BCL9L: variants seen among roughly 807,000 people sequenced by gnomAD.
BCL9L encodes BCL9 like.
In BCL9L, 19 loss-of-function variants were observed where a neutral mutation model predicts 99.4. The ratio of observed to expected loss-of-function variants is 0.19; its 90% CI spans 0.13 to 0.28. The LOEUF (loss-of-function observed/expected upper bound fraction) is 0.28. Among genes scored for constraint, BCL9L ranks in the 10% least tolerant of loss-of-function variants. The pLI is 1.00. For synonymous variants in BCL9L, 900 were observed against 854.8 expected (o/e 1.05, Z -0.92); for missense variants, 2,023 against 2,101.6 (o/e 0.96, Z 0.73).
In BCL9L at chr11:118,902,391, G is replaced by C. The variant is rs769563899; in HGVS notation, c.1352C>G (p.Pro451Arg). ...GGPPAQAPPP[P>R]QQPPTAPPSG... ...GGGAGGGGCCGTGGGTGGCTGCTGGGGGGGAGGGGGGGCTTGTGCTGGTGG... is the reference window on the plus strand; with the variant it reads ...GGGAGGGGCCGTGGGTGGCTGCTGGCGGGGAGGGGGGGCTTGTGCTGGTGG... The change falls in exon 8 of 10, where the codon CCC becomes CGC. Residue 451 changes from proline to arginine, a missense_variant. Physicochemically the swap from Pro to Arg is moderately radical, Grantham distance 103. Transcript: ENST00000683865. The surrounding 1 kb of genome is among the most constrained non-coding windows in gnomAD (Gnocchi z 7.8). The C allele has an allele frequency of 1.8e-5, 28 of 1,546,800 alleles. No homozygotes were observed. The highest frequency in any genetic ancestry group is 1.6e-4 in the Admixed American group (8 of 49,508).
Position 118,914,876 on chromosome 11 carries a change from G to C in BCL9L, c.-77+3950C>G, listed in dbSNP as rs936150946. 6.6e-6 allele frequency among the ~76,000 whole-genome samples: 1 copy of C among 152,190 alleles called. No homozygotes were observed. The highest frequency in any genetic ancestry group is 1.5e-5 in the Non-Finnish European group (1 of 68,036). ...TTGAGGGCCGGGCGCGGTGGCACACGCCTGTAATCCCAGCACTTTAGGAGG... is the reference window on the plus strand; with the variant it reads ...TTGAGGGCCGGGCGCGGTGGCACACCCCTGTAATCCCAGCACTTTAGGAGG... On this transcript the variant is annotated intron_variant, in intron 2 of 9. Transcript: ENST00000683865. This position sits in a 1 kb window ranked among gnomAD's most constrained non-coding sequence, Gnocchi z 4.4.
chr11:118,899,608 G>T, intron 9 of BCL9L, 100 bp from the exon 10 acceptor site: 2 of 1,461,760 alleles, frequency 1.4e-6, no homozygotes, highest in South Asian at 2.5e-5. Flanking sequence ...GGGTGCCAGA[G>T]GTCAAAGTCT....
chr11:118,905,512 C>CAAA (rs761526586), intron 5 of BCL9L, among the ~76,000 whole-genome samples: 9 of 38,514 alleles, frequency 2.3e-4, no homozygotes, highest in South Asian at 7.9e-4. Flanking sequence ...GACTCTGTCT[C>CAAA]AAAAAAAAAA....
At chr11:118,910,863 C>T (rs1009515268) in intron 2 of BCL9L, 7 of 175,202 alleles carry the variant, frequency 4.0e-5, no homozygotes, top group Non-Finnish European at 7.3e-5. Context: ...GACTCACACA[C>T]ACTCACAGCT....
rs1489215639 is a variant in BCL9L, at chr11:118,903,319, A to G, written c.666T>C (p.Pro222=). The change falls in exon 6 of 10, where the codon CCT becomes CCC. Residue 222 remains proline, a synonymous_variant. Transcript: ENST00000683865. This position sits in a 1 kb window ranked among gnomAD's most constrained non-coding sequence, Gnocchi z 5.6. ...CGCCCCCGCCCCCGCCCCCGCCCCC[A>G]GGGGCATCAGGCCGAAGGCCAGGAG... The part of the protein sequence containing the change: ...GPPPGLRPDA[P]GGGGGGGGVP... 1 of 1,583,348 alleles carries G rather than the reference A, an allele frequency of 6.3e-7. No homozygotes were observed. The highest frequency in any genetic ancestry group is 1.3e-5 in the African/African-American group (1 of 74,358).
chr11:118,898,311 C>CCCCCCCCCCCCCCCCCCCCCCCCCA lies in BCL9L; in HGVS notation c.*103_*104insTGGGGGGGGGGGGGGGGGGGGGGGG. 6.3e-6 allele frequency: 4 copies of CCCCCCCCCCCCCCCCCCCCCCCCCA among 638,132 alleles called. No individual in the cohort carries two copies. The highest frequency in any genetic ancestry group is 4.5e-5 in the East Asian group (1 of 22,242). The allele number at this position is 638,132 out of a possible 1,614,324, so 39.5% of individuals were successfully genotyped here. A position where few individuals can be genotyped will look rare whatever the true frequency, so the allele number is the denominator to read the frequency against. On this transcript the variant is annotated 3_prime_UTR_variant, in exon 10 of 10. Coordinates refer to ENST00000683865, the MANE Select transcript of BCL9L (RefSeq NM_001378213.1). ...CTACACAAGCCCCCTCCCACCCCCT[C>CCCCCCCCCCCCCCCCCCCCCCCCCA]CACCCCACCCCGCGACCCAGGCCAT...
intron 5 of BCL9L, among the ~76,000 whole-genome samples, chr11:118,906,725 T>C (rs776540946): frequency 6.6e-6 from 1 of 152,114 alleles, no homozygotes; most frequent in Non-Finnish European, 1.5e-5. Context: ...TCTCCCTATG[T>C]TGGCCAGGCT....
At chr11:118,912,834 C>T (rs892482858) in intron 2 of BCL9L, among the ~76,000 whole-genome samples, 2 of 152,182 alleles carry the variant, frequency 1.3e-5, no homozygotes, top group African/African-American at 2.4e-5. Context: ...CCTGTGATGA[C>T]GTGAAAGCCC....
chr11:118,902,146 G>A lies in BCL9L; in HGVS notation c.1597C>T (p.Arg533Trp). The change falls in exon 8 of 10, where the codon CGG becomes TGG. Residue 533 changes from arginine to tryptophan, a missense_variant. Around this residue, in one of 3 missense-constraint regions of BCL9L, gnomAD observed 1,116 missense variants for 1,194.6 expected, o/e 0.93. Coordinates refer to ENST00000683865, the MANE Select transcript of BCL9L (RefSeq NM_001378213.1). This position sits in a 1 kb window ranked among gnomAD's most constrained non-coding sequence, Gnocchi z 7.8. ...LQEEYYEEKRRKEEQIGLHGS... is the reference protein window; with the variant it reads ...LQEEYYEEKRWKEEQIGLHGS... ...TGCAGCCCAATCTGTTCCTCTTTCC[G>A]CCGTTTCTCTTCGTAGTACTCCTCC... 8 of 1,613,978 alleles carry A rather than the reference G, an allele frequency of 5.0e-6. No individual in the cohort carries two copies. Among genetic ancestry groups the A allele is most frequent in the African/African-American group, 1.3e-5 (1 of 75,008 alleles).
chr11:118,910,152 C>T (rs1292817498), intron 2 of BCL9L, 137 bp from the exon 3 acceptor site: 7 of 630,538 alleles, frequency 1.1e-5, no homozygotes, highest in Non-Finnish European at 1.7e-5. Flanking sequence ...AAGAGGATTA[C>T]GAGATGGGGT....
chr11:118,904,611 G>A (rs987634451), intron 5 of BCL9L, among the ~76,000 whole-genome samples: 1 of 152,222 alleles, frequency 6.6e-6, no homozygotes, highest in Non-Finnish European at 1.5e-5. Flanking sequence ...AACGGGTCTA[G>A]GTGAGTGGGT....
chr11:118,906,594 C>T (rs918173941), intron 5 of BCL9L, among the ~76,000 whole-genome samples: 2 of 152,160 alleles, frequency 1.3e-5, no homozygotes, highest in African/African-American at 4.8e-5. Context: ...TCTTTTCTTT[C>T]TTCTTTCTAT....
In BCL9L at chr11:118,922,390, C is replaced by G. The variant is rs1410932375; in HGVS notation, c.-131+2848G>C. Among the ~76,000 whole-genome samples the G allele has an allele frequency of 6.6e-6, 1 of 152,226 alleles. No homozygotes were observed. Among genetic ancestry groups the G allele is most frequent in the Non-Finnish European group, 1.5e-5 (1 of 68,026 alleles). On this transcript the variant is annotated intron_variant, in intron 1 of 9. Transcript: ENST00000683865. The surrounding 1 kb of genome is among the most constrained non-coding windows in gnomAD (Gnocchi z 6.2). Reference sequence around the variant, plus strand: ...ACTCAGATAGGCTCCTCAGCCCTGGCAGGAGCTCCCACCAGCCCCATCCCG... The same window carrying G: ...ACTCAGATAGGCTCCTCAGCCCTGGGAGGAGCTCCCACCAGCCCCATCCCG...
In BCL9L at chr11:118,921,287, C is replaced by T. The variant is rs1200678928; in HGVS notation, c.-130-2408G>A. Among the ~76,000 whole-genome samples, 1 of 152,182 alleles carries T rather than the reference C, an allele frequency of 6.6e-6. No individual in the cohort carries two copies. Among genetic ancestry groups the T allele is most frequent in the Non-Finnish European group, 1.5e-5 (1 of 68,042 alleles). ...ACACACACAAACTTATACACACACA[C>T]AAAGTAGTACGCAGCCATGTGCTAG... is the stretch of plus-strand genomic sequence containing the variant. On this transcript the variant is annotated intron_variant, in intron 1 of 9. Transcript: ENST00000683865. This position sits in a 1 kb window ranked among gnomAD's most constrained non-coding sequence, Gnocchi z 5.4.
chr11:118,900,819 G>A lies in BCL9L; in HGVS notation c.2924C>T (p.Ser975Leu), dbSNP rs147776799. 39 of 1,613,718 alleles carry A rather than the reference G, an allele frequency of 2.4e-5. No homozygotes were observed. The highest frequency in any genetic ancestry group is 1.3e-4 in the Admixed American group (8 of 59,998). Residue 975 changes from serine (S) to leucine (L), a missense_variant, in exon 8 of 10, where the codon TCG (serine) becomes TTG (leucine). Physicochemically the swap from Ser to Leu is moderately radical, Grantham distance 145. Coordinates refer to ENST00000683865, the MANE Select transcript of BCL9L (RefSeq NM_001378213.1). The surrounding 1 kb of genome is among the most constrained non-coding windows in gnomAD (Gnocchi z 5.3). ...PSANPPGPLK[S>L]PQVLGSSLSV... Reference sequence around the variant, plus strand: ...GAGGGAGGAGCCGAGGACCTGGGGCGACTTGAGAGGTCCTGGCGGGTTGGC... The same window carrying A: ...GAGGGAGGAGCCGAGGACCTGGGGCAACTTGAGAGGTCCTGGCGGGTTGGC...
intron 5 of BCL9L, among the ~76,000 whole-genome samples, chr11:118,904,188 C>T (rs530286218): frequency 4.6e-5 from 7 of 152,308 alleles, no homozygotes; most frequent in Non-Finnish European, 1.0e-4. Context: ...CGCCTGTAAT[C>T]CCAGCAGTTT....
intron 1 of BCL9L, among the ~76,000 whole-genome samples, chr11:118,923,874 C>T (rs1388672334): frequency 6.6e-6 from 1 of 152,234 alleles, no homozygotes; most frequent in East Asian, 1.9e-4. Flanking sequence ...CCTCACCTTC[C>T]TCACCCATTC....
At chr11:118,907,367 T>C in intron 5 of BCL9L, 116 bp downstream of exon 5, 2 of 1,536,484 alleles carry the variant, frequency 1.3e-6, no homozygotes, top group Non-Finnish European at 1.8e-6. Context: ...AGAGGTAGGA[T>C]GGGAGAGAAA....
intron 2 of BCL9L, among the ~76,000 whole-genome samples, chr11:118,917,246 T>C: frequency 6.6e-6 from 1 of 152,104 alleles, no homozygotes; most frequent in East Asian, 1.9e-4. Context: ...CTTTCCCTGC[T>C]AAAACCCCTG....
Sources: allele counts gnomAD v4.1 joint callset (sites outside exome capture counted in the v4.1 genomes callset), GRCh38; gene constraint gnomAD v4.1.1; regional missense constraint gnomAD v4.1.1; non-coding constraint Gnocchi (gnomAD v3.1); transcripts MANE v1.5; gene names NCBI Gene and HGNC (gene_info 2026-07-23, HGNC 2026-07-21).